Variants in NKAIN3 observed in about 807,000 individuals in gnomAD.
NKAIN3 encodes sodium/potassium-transporting ATPase subunit beta-1-interacting protein 3.
Under a neutral mutation model 30.2 loss-of-function variants are expected in NKAIN3, and 25 were observed. The observed-to-expected ratio is 0.83, with a 90% confidence interval of 0.60 to 1.16. The LOEUF (loss-of-function observed/expected upper bound fraction) is 1.16, where lower values mean the gene tolerates loss of function less well. Ranked by LOEUF, NKAIN3 falls within the 50% of genes most tolerant of loss-of-function variation. The pLI is 0.00. For missense variants in NKAIN3, 225 were observed against 254.1 expected, an observed-to-expected ratio of 0.89 and a Z score of 0.78; for synonymous variants, 91 against 89.6, an observed-to-expected ratio of 1.02 and a Z score of -0.09.
chr8:62,563,761 G>T (rs1809660913), intron 1 of NKAIN3, among the ~76,000 whole-genome samples: 1 of 152,112 alleles, frequency 6.6e-6, no homozygotes, highest in Non-Finnish European at 1.5e-5. Context: ...TTCTCTACAG[G>T]ATGTTATGTA....
intron 1 of NKAIN3, among the ~76,000 whole-genome samples, chr8:62,373,969 C>T (rs1411775185): frequency 6.6e-6 from 1 of 151,624 alleles, no homozygotes; most frequent in Non-Finnish European, 1.5e-5. Context: ...AAAAATTAGC[C>T]AGGCGTGGTG....
At chr8:62,844,457 G>A (rs772974867) in intron 4 of NKAIN3, among the ~76,000 whole-genome samples, 16 of 152,110 alleles carry the variant, frequency 1.1e-4, no homozygotes, top group Admixed American at 2.0e-4. Flanking sequence ...CTTATATTTA[G>A]GAGTCTTAAT....
At chr8:62,804,438 A>G (rs1818196254) in intron 4 of NKAIN3, among the ~76,000 whole-genome samples, 1 of 152,214 alleles carries the variant, frequency 6.6e-6, no homozygotes, top group Non-Finnish European at 1.5e-5. Flanking sequence ...AGCACATCAA[A>G]AAGTTTATCC....
chr8:62,915,780 T>A (rs1822079584), intron 4 of NKAIN3, among the ~76,000 whole-genome samples: 1 of 152,016 alleles, frequency 6.6e-6, no homozygotes, highest in South Asian at 2.1e-4. Flanking sequence ...ACCATCACTA[T>A]CACAGGCCAA....
At chr8:62,957,706 G>T (rs758424602) in intron 6 of NKAIN3, among the ~76,000 whole-genome samples, 1 of 152,082 alleles carries the variant, frequency 6.6e-6, no homozygotes, top group African/African-American at 2.4e-5. Flanking sequence ...CAAGGGTTGC[G>T]GGAGGGGAGA....
intron 1 of NKAIN3, among the ~76,000 whole-genome samples, chr8:62,520,803 C>T (rs1181037631): frequency 6.6e-6 from 1 of 151,936 alleles, no homozygotes; most frequent in East Asian, 1.9e-4. Context: ...TGAGACTGTA[C>T]TGGAAAACAA....
intron 1 of NKAIN3, among the ~76,000 whole-genome samples, chr8:62,373,684 TAC>T (rs1816979163): frequency 6.6e-6 from 1 of 152,206 alleles, no homozygotes; most frequent in African/African-American, 2.4e-5. Context: ...AGATTAAAGT[TAC>T]ACATCTATTG....
chr8:62,291,095 C>T (rs1424134799), intron 1 of NKAIN3, among the ~76,000 whole-genome samples: 2 of 152,120 alleles, frequency 1.3e-5, no homozygotes, highest in Admixed American at 6.6e-5. Flanking sequence ...TCCCCCTTAT[C>T]ATTTTTTATT....
intron 1 of NKAIN3, among the ~76,000 whole-genome samples, chr8:62,552,137 T>A (rs1235127705): frequency 2.6e-5 from 4 of 152,186 alleles, no homozygotes; most frequent in Non-Finnish European, 4.4e-5. Flanking sequence ...CACTGATTAT[T>A]GTTTGAGCTA....
chr8:62,843,170 G>C (rs1819580035), intron 4 of NKAIN3, among the ~76,000 whole-genome samples: 1 of 151,862 alleles, frequency 6.6e-6, no homozygotes, highest in South Asian at 2.1e-4. Context: ...GCCAGTTGTT[G>C]GTTGTTGCTG....
chr8:62,921,207 T>G (rs1563628829), intron 5 of NKAIN3, among the ~76,000 whole-genome samples: 1 of 152,232 alleles, frequency 6.6e-6, no homozygotes, highest in African/African-American at 2.4e-5. Context: ...CTTTCCAATT[T>G]GTCTAAGTAC....
At chr8:62,270,692 T>G (rs1812751754) in intron 1 of NKAIN3, among the ~76,000 whole-genome samples, 1 of 152,192 alleles carries the variant, frequency 6.6e-6, no homozygotes, top group Admixed American at 6.6e-5. Flanking sequence ...GGCTTTATAC[T>G]CTTTGACAAT....
chr8:62,454,639 CAT>C (rs745972829), intron 1 of NKAIN3, among the ~76,000 whole-genome samples: 60 of 152,252 alleles, frequency 3.9e-4, no homozygotes, highest in Non-Finnish European at 7.5e-4. Context: ...TCATGAGTAA[CAT>C]AGCAATTCAG....
At chr8:62,662,108 A>AT (rs1030724087) in intron 3 of NKAIN3, among the ~76,000 whole-genome samples, 43 of 152,186 alleles carry the variant, frequency 2.8e-4, no homozygotes, top group African/African-American at 1.0e-3. Flanking sequence ...GCTTTTTATA[A>AT]TTGTCCCTTT....
chr8:62,275,775 T>C (rs974248092), intron 1 of NKAIN3, among the ~76,000 whole-genome samples: 3 of 152,226 alleles, frequency 2.0e-5, no homozygotes, highest in African/African-American at 7.2e-5. Context: ...ATTACCATAA[T>C]GTGAGTCTTT....
chr8:62,711,889 G>A (rs1266755097), intron 3 of NKAIN3, among the ~76,000 whole-genome samples: 1 of 152,164 alleles, frequency 6.6e-6, no homozygotes, highest in African/African-American at 2.4e-5. Context: ...GAATGTCTAG[G>A]GCTGAAGGCT....
chr8:62,672,522 T>A (rs1369854437), intron 3 of NKAIN3, among the ~76,000 whole-genome samples: 1 of 152,234 alleles, frequency 6.6e-6, no homozygotes, highest in Non-Finnish European at 1.5e-5. Context: ...TTTACTATAC[T>A]TGGAACCAAA....
intron 3 of NKAIN3, among the ~76,000 whole-genome samples, chr8:62,629,826 A>G (rs1811901114): frequency 6.6e-6 from 1 of 152,124 alleles, no homozygotes; most frequent in Non-Finnish European, 1.5e-5. Context: ...TAAGCATATG[A>G]ATTTATAAAC....
chr8:62,433,183 T>C (rs1196245672), intron 1 of NKAIN3, among the ~76,000 whole-genome samples: 2 of 152,140 alleles, frequency 1.3e-5, no homozygotes, highest in African/African-American at 4.8e-5. Context: ...AAATATAGTG[T>C]CATTAAAGGA....
Sources: allele counts gnomAD v4.1 joint callset (sites outside exome capture counted in the v4.1 genomes callset), GRCh38; gene constraint gnomAD v4.1.1; transcripts MANE v1.5; gene names NCBI Gene and HGNC (gene_info 2026-07-23, HGNC 2026-07-21).